Variants in PTPN3 observed in about 807,000 individuals in gnomAD.
The protein encoded by PTPN3 is protein tyrosine phosphatase non-receptor type 3.
A neutral mutation model predicts 132.7 loss-of-function variants in PTPN3; 96 were observed. The observed-to-expected ratio is 0.72, with a 90% CI of 0.61 to 0.86. The LOEUF (loss-of-function observed/expected upper bound fraction) is 0.86, where lower values mean the gene tolerates loss of function less well. PTPN3 is among the 40% of genes least tolerant of loss of function. The pLI, the probability that PTPN3 is intolerant of heterozygous loss-of-function variation, is 0.00. For synonymous variants in PTPN3, 398 were observed against 429.0 expected (o/e 0.93, Z 0.89); for missense variants, 1,125 against 1,159.6 (o/e 0.97, Z 0.43).
In PTPN3 at chr9:109,431,904, A is replaced by T. The variant is rs1418297762; in HGVS notation, c.764+1169T>A. Among the ~76,000 whole-genome samples, 4 of 152,160 alleles carry T rather than the reference A, an allele frequency of 2.6e-5. No individual in the cohort carries two copies. The East Asian group carries it at 5.8e-4, about 22-fold the overall frequency. ...GGGGATAATAACCTATATAGTGCCT[A>T]TTTGGAGTTTAAAGGAGATAAATCA... On this transcript the variant is annotated intron_variant, in intron 10 of 25. Coordinates refer to ENST00000374541, the MANE Select transcript of PTPN3 (RefSeq NM_002829.4).
chr9:109,515,057 A>G, the PTPN3 span, among the ~76,000 whole-genome samples: 1 of 151,718 alleles, frequency 6.6e-6, no homozygotes, highest in African/African-American at 2.4e-5. Context: ...GTCTCACTCT[A>G]TATTGTCTGG....
chr9:109,490,410 A>C (rs1353728275), intron 1 of PTPN3, among the ~76,000 whole-genome samples: 1 of 152,148 alleles, frequency 6.6e-6, no homozygotes, highest in Non-Finnish European at 1.5e-5. Context: ...TGTGAGGGGC[A>C]TTCTACAAAA....
chr9:109,524,073 CTT>C, the PTPN3 span, among the ~76,000 whole-genome samples: 1 of 152,186 alleles, frequency 6.6e-6, no homozygotes, highest in Non-Finnish European at 1.5e-5. Context: ...TAAAGAAACT[CTT>C]GTTTCTACAA....
chr9:109,435,919 C>T (rs541110789), intron 9 of PTPN3, among the ~76,000 whole-genome samples: 2 of 152,046 alleles, frequency 1.3e-5, no homozygotes, highest in East Asian at 1.9e-4. Flanking sequence ...GTCAAGGGAC[C>T]GAAGTGAAAC....
At chr9:109,453,545 A>T (rs1019819416) in intron 5 of PTPN3, among the ~76,000 whole-genome samples, 1 of 152,208 alleles carries the variant, frequency 6.6e-6, no homozygotes, top group Admixed American at 6.5e-5. Context: ...CCCCAGTACC[A>T]GCCCAGGGTT....
chr9:109,453,915 T>A (rs930436403), intron 5 of PTPN3, among the ~76,000 whole-genome samples: 27 of 151,118 alleles, frequency 1.8e-4, no homozygotes, highest in Non-Finnish European at 3.7e-4. Flanking sequence ...CTCGGGAGGC[T>A]GAGGTGGGAG....
intron 1 of PTPN3, among the ~76,000 whole-genome samples, chr9:109,483,262 G>C (rs576682166): frequency 4.6e-5 from 7 of 152,338 alleles, no homozygotes; most frequent in African/African-American, 1.7e-4. Flanking sequence ...CCAAAGGCCT[G>C]GCTAATGCCA....
At position 109,410,428 on chromosome 9, in the gene PTPN3, G is replaced by A. The variant is rs1345904515; in HGVS notation, c.1314-13C>T. The A allele has an allele frequency of 5.0e-6, 8 of 1,612,514 alleles. No homozygotes were observed. Among genetic ancestry groups the A allele is most frequent in the South Asian group, 1.1e-5 (1 of 90,988 alleles). ...CTCGGATAAACTCCTTCATCATGGG[G>A]AAGGAGGAGATATTAATAACTGGGT... is the stretch of plus-strand genomic sequence containing the variant. On this transcript the variant is annotated splice_polypyrimidine_tract_variant and intron_variant, in intron 14 of 25. Transcript: ENST00000374541.
chr9:109,531,380 AG>A, the PTPN3 span, among the ~76,000 whole-genome samples: 9 of 152,220 alleles, frequency 5.9e-5, no homozygotes, highest in African/African-American at 1.9e-4. Flanking sequence ...GACTAAGGTC[AG>A]AAATCTGGAT....
intron 14 of PTPN3, among the ~76,000 whole-genome samples, chr9:109,415,204 T>C: frequency 6.6e-6 from 1 of 152,040 alleles, no homozygotes; most frequent in East Asian, 1.9e-4. Flanking sequence ...TAGGGCACTA[T>C]CCCTGCCCTC....
At chr9:109,477,000 G>C (rs1212694785) in intron 1 of PTPN3, among the ~76,000 whole-genome samples, 1 of 152,180 alleles carries the variant, frequency 6.6e-6, no homozygotes, top group Non-Finnish European at 1.5e-5. Context: ...TAGCACTGCT[G>C]TTAACCATTT....
At chr9:109,491,920 T>C (rs986452447) in intron 1 of PTPN3, among the ~76,000 whole-genome samples, 1 of 152,120 alleles carries the variant, frequency 6.6e-6, no homozygotes, top group African/African-American at 2.4e-5. Context: ...TAGGAGTGTA[T>C]GGAAGACTCC....
chr9:109,505,653 T>C, the PTPN3 span, among the ~76,000 whole-genome samples: 4 of 152,168 alleles, frequency 2.6e-5, no homozygotes, highest in African/African-American at 7.2e-5. Flanking sequence ...ACCAAGAACA[T>C]AGTCTGAGTA....
chr9:109,429,845 T>A (rs1237288892), intron 10 of PTPN3, among the ~76,000 whole-genome samples: 1 of 152,198 alleles, frequency 6.6e-6, no homozygotes, highest in Non-Finnish European at 1.5e-5. Context: ...ACTTCTGAAA[T>A]ACTTTGGGGA....
chr9:109,442,369 T>G (rs1015683039), intron 7 of PTPN3, among the ~76,000 whole-genome samples: 3 of 152,150 alleles, frequency 2.0e-5, no homozygotes, highest in African/African-American at 7.2e-5. Flanking sequence ...CTTAAAGAAA[T>G]GTATGCTCTG....
At chr9:109,494,428 C>T (rs1847592515) in intron 1 of PTPN3, among the ~76,000 whole-genome samples, 1 of 152,188 alleles carries the variant, frequency 6.6e-6, no homozygotes, top group South Asian at 2.1e-4. Context: ...CAGAGTGAGA[C>T]CTTGTCTCAA....
Position 109,376,659 on chromosome 9 carries a change from T to C in PTPN3, c.*2897A>G, listed in dbSNP as rs1045002218. The C allele has an allele frequency of 1.3e-5, 2 of 152,184 alleles. No individual in the cohort carries two copies. The highest frequency in any genetic ancestry group is 4.8e-5 in the African/African-American group (2 of 41,444). The allele number at this position is 152,184 out of a possible 1,614,324, so 9.4% of individuals were successfully genotyped here. On this transcript the variant is annotated 3_prime_UTR_variant, in exon 26 of 26. Transcript: ENST00000374541. Reference sequence around the variant, plus strand: ...AGGATGTAAATGTCTTCTCCATTCATATGCAGCCAAATTTCCCAGGCAAAA... The same window carrying C: ...AGGATGTAAATGTCTTCTCCATTCACATGCAGCCAAATTTCCCAGGCAAAA...
chr9:109,533,611 T>C, the PTPN3 span: 9 of 1,538,500 alleles, frequency 5.8e-6, no homozygotes, highest in Non-Finnish European at 7.2e-6. Context: ...GTGGTCTATA[T>C]CCCTGATATA....
intron 16 of PTPN3, among the ~76,000 whole-genome samples, chr9:109,409,584 T>C (rs796332659): frequency 3.3e-5 from 5 of 152,170 alleles, no homozygotes; most frequent in African/African-American, 1.2e-4. Flanking sequence ...CCCGGCACTT[T>C]GGGAGGCCAA....
Sources: gnomAD v4.1 joint callset for allele counts (sites outside exome capture counted in the v4.1 genomes callset) on GRCh38, gnomAD v4.1.1 for gene constraint, MANE v1.5 for transcripts, NCBI Gene and HGNC (gene_info 2026-07-23, HGNC 2026-07-21) for gene names.